CTNND2: variants seen among roughly 807,000 people sequenced by gnomAD.
CTNND2 encodes catenin delta-2.
Under a neutral mutation model 144.4 loss-of-function variants are expected in CTNND2, and 22 were observed. That is an observed-to-expected ratio of 0.15 (90% confidence interval 0.11 to 0.22). The LOEUF is 0.22. CTNND2 is among the 10% of genes least tolerant of loss of function. The probability of loss-of-function intolerance (pLI) is 1.00; values close to 1 mark genes in which losing one functional copy is unlikely to be tolerated. For synonymous variants in CTNND2, 751 were observed against 695.6 expected, an observed-to-expected ratio of 1.08 and a Z score of -1.25; for missense variants, 1,353 against 1,618.8, an observed-to-expected ratio of 0.84 and a Z score of 2.82.
intron 2 of CTNND2, among the ~76,000 whole-genome samples, chr5:11,689,737 T>C (rs560159909): frequency 6.9e-6 from 1 of 145,844 alleles, no homozygotes; most frequent in South Asian, 2.1e-4. Flanking sequence ...GGTGAGACAG[T>C]ATCTTCATAA....
intron 3 of CTNND2, among the ~76,000 whole-genome samples, chr5:11,560,086 C>A (rs1360257456): frequency 6.6e-6 from 1 of 152,126 alleles, no homozygotes; most frequent in African/African-American, 2.4e-5. Flanking sequence ...GAAGTGGAGA[C>A]AATGATGACA....
At chr5:11,361,192 T>G (rs1561277067) in intron 8 of CTNND2, among the ~76,000 whole-genome samples, 1 of 152,156 alleles carries the variant, frequency 6.6e-6, no homozygotes. Flanking sequence ...GGCTAATTTT[T>G]GTATTTTTAG....
chr5:11,392,396 A>C (rs975321575), intron 6 of CTNND2, among the ~76,000 whole-genome samples: 2 of 152,228 alleles, frequency 1.3e-5, no homozygotes, highest in African/African-American at 4.8e-5. Context: ...AGAATACGTA[A>C]GGAGAGATTT....
At chr5:11,263,150 G>A (rs545642518) in intron 9 of CTNND2, among the ~76,000 whole-genome samples, 1 of 152,270 alleles carries the variant, frequency 6.6e-6, no homozygotes. Flanking sequence ...ATTCAAAGAT[G>A]ACTTGATTCT....
rs1736023891 is a variant in CTNND2, at chr5:10,973,280, G to A, written c.*173C>T. ...TCTACTGATTTCCAAGTTAACTTGC[G>A]ATTCATTTAGCTTTCTAAAATAGCT... On this transcript the variant is annotated 3_prime_UTR_variant, in exon 22 of 22. Transcript: ENST00000304623. This position sits in a 1 kb window ranked among gnomAD's most constrained non-coding sequence, Gnocchi z 5.6. 4.7e-6 allele frequency: 3 copies of A among 640,428 alleles called. No homozygotes were observed. The allele number at this position is 640,428 out of a possible 1,614,324, so 39.7% of individuals were successfully genotyped here.
intron 3 of CTNND2, among the ~76,000 whole-genome samples, chr5:11,414,635 A>G (rs565733264): frequency 2.6e-5 from 4 of 152,276 alleles, no homozygotes. Flanking sequence ...GATCCATGCG[A>G]AGGTTTGTTA....
chr5:11,166,853 T>C (rs1029054892), intron 11 of CTNND2, among the ~76,000 whole-genome samples: 1 of 151,670 alleles, frequency 6.6e-6, no homozygotes, highest in African/African-American at 2.4e-5. Context: ...ATTTTGAGAG[T>C]CCTTCTAGAT....
intron 2 of CTNND2, among the ~76,000 whole-genome samples, chr5:11,642,224 C>T (rs556523707): frequency 3.4e-4 from 51 of 152,204 alleles, no homozygotes; most frequent in African/African-American, 1.2e-3. Flanking sequence ...GTGTTTGAAA[C>T]GTATCCGTAA....
intron 1 of CTNND2, among the ~76,000 whole-genome samples, chr5:11,901,725 C>A (rs994055328): frequency 6.6e-6 from 1 of 152,182 alleles, no homozygotes; most frequent in East Asian, 1.9e-4. Flanking sequence ...ATATCATTTT[C>A]AATCCACAAT....
intron 10 of CTNND2, among the ~76,000 whole-genome samples, chr5:11,221,682 T>C (rs1203422195): frequency 6.6e-6 from 1 of 152,206 alleles, no homozygotes; most frequent in Non-Finnish European, 1.5e-5. Flanking sequence ...TCTCCAGTTC[T>C]GTGAGCCAGA....
intron 2 of CTNND2, among the ~76,000 whole-genome samples, chr5:11,693,768 T>C (rs949838330): frequency 9.9e-5 from 15 of 152,234 alleles, no homozygotes; most frequent in African/African-American, 3.6e-4. Flanking sequence ...CGATTGATTC[T>C]TGTTATGTGT....
In CTNND2 at chr5:11,470,185, T is replaced by A. The variant is rs188046175; in HGVS notation, c.288-58116A>T. On this transcript the variant is annotated intron_variant, in intron 3 of 21. Coordinates refer to ENST00000304623, the MANE Select transcript of CTNND2 (RefSeq NM_001332.4). ...GCACGGTGGCTCACACCTGTAATCC[T>A]AGCACTTTGGGAGGCCGAGACAGGC... Among the ~76,000 whole-genome samples, 349 of 152,202 alleles carry A rather than the reference T, an allele frequency of 2.3e-3. 2 individuals are homozygous for A. Among genetic ancestry groups the A allele is most frequent in the African/African-American group, 7.6e-3 (316 of 41,540 alleles).
intron 2 of CTNND2, among the ~76,000 whole-genome samples, chr5:11,631,523 GC>G (rs201023032): frequency 0.02 from 3,077 of 152,270 alleles, 108 homozygotes; most frequent in African/African-American, 0.07. Flanking sequence ...TGTGAGAGAA[GC>G]TGTACTCTAC....
intron 1 of CTNND2, among the ~76,000 whole-genome samples, chr5:11,799,564 GAC>G (rs10567617): frequency 0.019 from 2,884 of 152,132 alleles, 101 homozygotes; most frequent in African/African-American, 0.067. Flanking sequence ...TTTGTTCACT[GAC>G]ACAATATACA....
chr5:11,644,507 T>G (rs1330237653), intron 2 of CTNND2, among the ~76,000 whole-genome samples: 2 of 152,010 alleles, frequency 1.3e-5, no homozygotes, highest in African/African-American at 2.4e-5. Flanking sequence ...ACCCTGTCTC[T>G]ACTAAAAATA....
intron 1 of CTNND2, among the ~76,000 whole-genome samples, chr5:11,804,610 G>A (rs1028710379): frequency 4.6e-5 from 7 of 152,104 alleles, no homozygotes; most frequent in East Asian, 1.9e-4. Context: ...GGTACATACC[G>A]AATGATTCCA....
chr5:11,103,365 C>T (rs1357654014), intron 14 of CTNND2, among the ~76,000 whole-genome samples: 2 of 152,028 alleles, frequency 1.3e-5, no homozygotes, highest in South Asian at 2.1e-4. Flanking sequence ...AAAGACGTAA[C>T]TTAGGGATAA....
intron 1 of CTNND2, among the ~76,000 whole-genome samples, chr5:11,831,909 AAG>A (rs1422313789): frequency 2.0e-5 from 3 of 152,186 alleles, no homozygotes; most frequent in Non-Finnish European, 4.4e-5. Flanking sequence ...AAGACAATGT[AAG>A]AGTTAGGCAA....
chr5:11,648,044 G>A (rs1449941911), intron 2 of CTNND2, among the ~76,000 whole-genome samples: 1 of 152,058 alleles, frequency 6.6e-6, no homozygotes. Context: ...TCTGGATTTA[G>A]TACATTTCTA....
Sources: allele counts gnomAD v4.1 joint callset (sites outside exome capture counted in the v4.1 genomes callset), GRCh38; gene constraint gnomAD v4.1.1; non-coding constraint Gnocchi (gnomAD v3.1); transcripts MANE v1.5; gene names NCBI Gene and HGNC (gene_info 2026-07-23, HGNC 2026-07-21).